The following PITPNM3 variants were observed in gnomAD, a reference collection of about 807,000 sequenced individuals.
PITPNM3 encodes the protein PITPNM family member 3.
In PITPNM3, 26 loss-of-function variants were observed where a neutral mutation model predicts 102.0. The observed-to-expected ratio is 0.25, with a 90% CI of 0.19 to 0.35. The LOEUF (loss-of-function observed/expected upper bound fraction) is 0.35, where lower values mean the gene tolerates loss of function less well. Among genes scored for constraint, PITPNM3 ranks in the 10% least tolerant of loss-of-function variants. The pLI, the probability that PITPNM3 is intolerant of heterozygous loss-of-function variation, is 1.00. For synonymous variants in PITPNM3, 578 were observed against 558.6 expected, an observed-to-expected ratio of 1.03 and a Z score of -0.49; for missense variants, 1,083 against 1,346.1, an observed-to-expected ratio of 0.80 and a Z score of 3.06.
chr17:6,470,529 G>A lies in PITPNM3; in HGVS notation c.1625-121C>T, dbSNP rs1359454276. On this transcript the variant is annotated intron_variant, in intron 12 of 19. Transcript: ENST00000262483. This position sits in a 1 kb window ranked among gnomAD's most constrained non-coding sequence, Gnocchi z 4.8. ...CCCCACGTGGGGCACGGGTTTGGGCGGGAGCACCCTGGCCTGGAGGAGGCC... is the reference window on the plus strand; with the variant it reads ...CCCCACGTGGGGCACGGGTTTGGGCAGGAGCACCCTGGCCTGGAGGAGGCC... 8.1e-6 allele frequency: 11 copies of A among 1,353,580 alleles called. No homozygotes were observed. Among genetic ancestry groups the A allele is most frequent in the East Asian group, 4.7e-5 (2 of 42,578 alleles). 83.8% of individuals were successfully genotyped at this position (1,353,580 alleles called of 1,614,324 possible).
At chr17:6,519,768 T>TGCAGTGAG (rs1361078159) in intron 3 of PITPNM3, among the ~76,000 whole-genome samples, 4 of 151,714 alleles carry the variant, frequency 2.6e-5, no homozygotes, top group Non-Finnish European at 4.4e-5. Context: ...AGGCAGAGGT[T>TGCAGTGAG]GCAGTGAGCC....
chr17:6,540,037 G>A (rs996232627), intron 1 of PITPNM3, among the ~76,000 whole-genome samples: 5 of 152,184 alleles, frequency 3.3e-5, no homozygotes, highest in South Asian at 2.1e-4. Flanking sequence ...AGATCCATCC[G>A]AGAACAAAGG....
At chr17:6,474,658 CG>C (rs1419038659) in intron 9 of PITPNM3, 54 bp from the exon 10 acceptor site, 24 of 1,522,012 alleles carry the variant, frequency 1.6e-5, no homozygotes, top group South Asian at 6.0e-5. Flanking sequence ...ACCGAGAATG[CG>C]GGAGTGTTCA....
intron 4 of PITPNM3, among the ~76,000 whole-genome samples, chr17:6,503,137 T>G (rs1907282765): frequency 6.6e-6 from 1 of 152,130 alleles, no homozygotes; most frequent in Non-Finnish European, 1.5e-5. Flanking sequence ...CACCCAAAAG[T>G]GATGGGCACA....
chr17:6,455,466 C>T lies in PITPNM3; in HGVS notation c.2797G>A (p.Asp933Asn), dbSNP rs777178487. 6.2e-7 allele frequency: 1 copy of T among 1,604,522 alleles called. No individual in the cohort carries two copies. The highest frequency in any genetic ancestry group is 8.5e-7 in the Non-Finnish European group (1 of 1,179,292). The change falls in exon 20 of 20, where the codon GAC becomes AAC. Residue 933 changes from aspartate to asparagine, a missense_variant. Asp to Asn is a conservative substitution (Grantham distance 23). This residue lies in a region of PITPNM3 where 208 missense variants were observed against 178.2 expected (regional missense o/e 1.17). Coordinates refer to ENST00000262483, the MANE Select transcript of PITPNM3 (RefSeq NM_031220.4). ...GGCTTGGGGTTGGCGGCGGGCGGGTCGGGCTGCTGCACTGACATGGTTCTG... is the reference window on the plus strand; with the variant it reads ...GGCTTGGGGTTGGCGGCGGGCGGGTTGGGCTGCTGCACTGACATGGTTCTG... ...LRRTMSVQQP[D>N]PPAANPKPER...
chr17:6,500,225 C>T (rs1044858485), intron 4 of PITPNM3, among the ~76,000 whole-genome samples: 1 of 152,194 alleles, frequency 6.6e-6, no homozygotes, highest in African/African-American at 2.4e-5. Flanking sequence ...CTTTTACCAC[C>T]TCGCAATTTG....
Position 6,458,460 on chromosome 17 carries a change from C to T in PITPNM3, c.2491-738G>A, listed in dbSNP as rs112525720. On this transcript the variant is annotated intron_variant, in intron 18 of 19. Transcript: ENST00000262483. The surrounding 1 kb of genome is among the most constrained non-coding windows in gnomAD (Gnocchi z 5.1). Reference sequence around the variant, plus strand: ...GCCCCACCATCACTGGGATGACCCACGGTCTGCATGACGTGAAGGATCTAC... The same window carrying T: ...GCCCCACCATCACTGGGATGACCCATGGTCTGCATGACGTGAAGGATCTAC... 3.9e-5 allele frequency among the ~76,000 whole-genome samples: 6 copies of T among 152,300 alleles called. No homozygotes were observed. The highest frequency in any genetic ancestry group is 9.6e-5 in the African/African-American group (4 of 41,558).
Position 6,455,545 on chromosome 17 carries a change from G to A in PITPNM3, c.2718C>T (p.Gly906=), listed in dbSNP as rs1353322470. Residue 906 remains glycine (G), a synonymous_variant, in exon 20 of 20, where the codon GGC becomes GGT. Transcript: ENST00000262483. ...CTGGCTGCGCGTGCAGCCCGAAGCT[G>A]CCCTTGCGCAGGATCATGCGCGAGT... is the stretch of plus-strand genomic sequence containing the variant. ...KNNSRMILRK[G]SFGLHAQPEF... 1.2e-6 allele frequency: 2 copies of A among 1,604,148 alleles called. No homozygotes were observed. Among genetic ancestry groups the A allele is most frequent in the African/African-American group, 2.7e-5 (2 of 74,554 alleles).
At chr17:6,512,794 G>A (rs1247449829) in intron 3 of PITPNM3, among the ~76,000 whole-genome samples, 2 of 152,118 alleles carry the variant, frequency 1.3e-5, no homozygotes, top group African/African-American at 4.8e-5. Flanking sequence ...ACAAGAACGT[G>A]GCCTTGCTGA....
chr17:6,470,245 C>T lies in PITPNM3; in HGVS notation c.1773+15G>A. 1 of 1,593,760 alleles carries T rather than the reference C, an allele frequency of 6.3e-7. No homozygotes were observed. The highest frequency in any genetic ancestry group is 8.5e-7 in the Non-Finnish European group (1 of 1,170,040). On this transcript the variant is annotated intron_variant, in intron 13 of 19. Coordinates refer to ENST00000262483, the MANE Select transcript of PITPNM3 (RefSeq NM_031220.4). This position sits in a 1 kb window ranked among gnomAD's most constrained non-coding sequence, Gnocchi z 4.8. ...GGGGTGGCTGTGGGCAGGCCCGCGA[C>T]TGCGGCAGCAGTACCTGTCTCAGGA...
Position 6,478,014 on chromosome 17 carries a change from A to G in PITPNM3, c.861T>C (p.Pro287=). Residue 287 remains proline (P), a synonymous_variant, in exon 8 of 20, where the codon CCT becomes CCC. Coordinates refer to ENST00000262483, the MANE Select transcript of PITPNM3 (RefSeq NM_031220.4). The surrounding 1 kb of genome is among the most constrained non-coding windows in gnomAD (Gnocchi z 4.4). ...TGCTCCCCTTCCGGCTGCTGCTGGC[A>G]GGGCTGTCCCCTGAGGGCCCCGCAC... ...CYSAGPSGDS[P]ASSSRKGSIS... 1 of 1,613,530 alleles carries G rather than the reference A, an allele frequency of 6.2e-7. No individual in the cohort carries two copies. Among genetic ancestry groups the G allele is most frequent in the Non-Finnish European group, 8.5e-7 (1 of 1,180,030 alleles).
chr17:6,471,567 G>A (rs1476837250), intron 11 of PITPNM3, among the ~76,000 whole-genome samples: 1 of 152,186 alleles, frequency 6.6e-6, no homozygotes, highest in African/African-American at 2.4e-5. Flanking sequence ...ACCGCATATT[G>A]CCGCATTTAC....
Position 6,474,445 on chromosome 17 carries a change from C to T in PITPNM3, c.1245G>A (p.Leu415=). 1 of 1,613,412 alleles carries T rather than the reference C, an allele frequency of 6.2e-7. No homozygotes were observed. Among genetic ancestry groups the T allele is most frequent in the Admixed American group, 1.7e-5 (1 of 60,016 alleles). ...CACCATCCCTACCGTCCAGCCCAGG[C>T]AGCACCGTCCTCCGCATGGCCAGGA... The part of the protein sequence containing the change: ...GLVLAMRRTV[L]PGLDGFQVRP... Residue 415 remains leucine (L), a synonymous_variant, in exon 10 of 20, where the codon CTG becomes CTA. Transcript: ENST00000262483.
intron 6 of PITPNM3, chr17:6,481,812 C>A (rs28607840): frequency 7.3e-6 from 1 of 136,910 alleles, no homozygotes; most frequent in East Asian, 2.3e-4. Context: ...GATGGATGGA[C>A]GGATGGATGG....
chr17:6,492,103 C>T (rs1433151178), intron 4 of PITPNM3, among the ~76,000 whole-genome samples: 1 of 144,750 alleles, frequency 6.9e-6, no homozygotes, highest in African/African-American at 2.6e-5. Context: ...CTCACTCTGT[C>T]ACCAGGCTGG....
rs113549938 is a variant in PITPNM3, at chr17:6,541,286, A to AGTGTGTGTGTGTGTGTGTGTGTGT, written c.23-3228_23-3205dup. Reference sequence around the variant, plus strand: ...AATAAGAAAACCCAGATATGCTAAGAGTGTGTGTGTGTGTGTGTGTGTGTG... The same window carrying AGTGTGTGTGTGTGTGTGTGTGTGT: ...AATAAGAAAACCCAGATATGCTAAGAGTGTGTGTGTGTGTGTGTGTGTGTGTGTGTGTGTGTGTGTGTGTGTGTG... On this transcript the variant is annotated intron_variant, in intron 1 of 19. Coordinates refer to ENST00000262483, the MANE Select transcript of PITPNM3 (RefSeq NM_031220.4). Among the ~76,000 whole-genome samples the AGTGTGTGTGTGTGTGTGTGTGTGT allele has an allele frequency of 2.2e-3, 314 of 145,692 alleles. 2 individuals are homozygous for AGTGTGTGTGTGTGTGTGTGTGTGT. Among genetic ancestry groups the AGTGTGTGTGTGTGTGTGTGTGTGT allele is most frequent in the Non-Finnish European group, 1.5e-3 (99 of 66,860 alleles).
At chr17:6,535,819 A>G (rs1909384409) in intron 2 of PITPNM3, among the ~76,000 whole-genome samples, 1 of 151,920 alleles carries the variant, frequency 6.6e-6, no homozygotes, top group South Asian at 2.1e-4. Flanking sequence ...GCACTTTGGG[A>G]GGCCAAGACG....
intron 19 of PITPNM3, among the ~76,000 whole-genome samples, chr17:6,456,863 G>T (rs1310221428): frequency 6.6e-6 from 1 of 152,028 alleles, no homozygotes; most frequent in Non-Finnish European, 1.5e-5. Flanking sequence ...TCTGATCTGG[G>T]CATTACCAAA....
intron 4 of PITPNM3, among the ~76,000 whole-genome samples, chr17:6,488,380 G>A (rs2090071): frequency 0.51 from 78,078 of 151,918 alleles, 21,209 homozygotes; most frequent in Middle Eastern, 0.65. Flanking sequence ...CTAGAAAGCC[G>A]TCTTTGATCT....
Sources: gnomAD v4.1 joint callset for allele counts (sites outside exome capture counted in the v4.1 genomes callset) on GRCh38, gnomAD v4.1.1 for gene constraint, gnomAD v4.1.1 regional missense constraint, Gnocchi (gnomAD v3.1) non-coding constraint, MANE v1.5 for transcripts, NCBI Gene and HGNC (gene_info 2026-07-23, HGNC 2026-07-21) for gene names.